Variants in RYR2 observed in about 807,000 individuals in gnomAD.
RYR2 encodes the protein ryanodine receptor 2.
In RYR2, 227 loss-of-function variants were observed where a neutral mutation model predicts 601.1. That is an observed-to-expected ratio of 0.38 (90% CI 0.34 to 0.42). The LOEUF (loss-of-function observed/expected upper bound fraction) is 0.42, where lower values mean the gene tolerates loss of function less well. Ranked by LOEUF, RYR2 falls within the 10% of genes least tolerant of loss-of-function variation. RYR2 has a pLI of 1.00. For synonymous variants in RYR2, 2,223 were observed against 2,175.1 expected, an observed-to-expected ratio of 1.02 and a Z score of -0.61; for missense variants, 4,646 against 6,156.5, an observed-to-expected ratio of 0.75 and a Z score of 8.21.
At chr1:237,744,650 C>A (rs989702527) in intron 80 of RYR2, among the ~76,000 whole-genome samples, 4 of 150,438 alleles carry the variant, frequency 2.7e-5, no homozygotes, top group African/African-American at 5.0e-5. Flanking sequence ...GAGTGAAACT[C>A]CGTCTCAACA....
At chr1:237,546,652 AT>A (rs1172301567) in intron 25 of RYR2, among the ~76,000 whole-genome samples, 3 of 152,076 alleles carry the variant, frequency 2.0e-5, no homozygotes, top group Non-Finnish European at 4.4e-5. Context: ...AAGTGCTGGG[AT>A]TATAGAAGTG....
chr1:237,651,429 G>A lies in RYR2; in HGVS notation c.7752G>A (p.Met2584Ile). 1 of 1,595,928 alleles carries A rather than the reference G, an allele frequency of 6.3e-7. No individual in the cohort carries two copies. Among genetic ancestry groups the A allele is most frequent in the South Asian group, 1.1e-5 (1 of 87,434 alleles). The change falls in exon 51 of 105, where the codon ATG becomes ATA. Residue 2584 changes from methionine (M) to isoleucine (I), a missense_variant. Physicochemically the swap from Met to Ile is conservative, Grantham distance 10. Around this residue, in one of 17 missense-constraint regions of RYR2, gnomAD observed 1,497 missense variants for 1,842.6 expected, o/e 0.81. Transcript: ENST00000366574. ...LSICGQLRPSMMQHLLRRLVF... is the reference protein window; with the variant it reads ...LSICGQLRPSIMQHLLRRLVF... ...CCAACAGACAACTGAGACCTTCTAT[G>A]ATGCAGCACTTACTCAGAAGATTAG...
At position 237,437,050 on chromosome 1, in the gene RYR2, A is replaced by C. The variant is rs571510300; in HGVS notation, c.1006-4269A>C. Among the ~76,000 whole-genome samples, 3 of 149,136 alleles carry C rather than the reference A, an allele frequency of 2.0e-5. No individual in the cohort carries two copies. In the East Asian group the frequency reaches 6.0e-4, roughly 30 times the overall value. ...TTTTATTTATTTATTTTTTATTTTT[A>C]TTTTATTTTTTTGAGATGGACTCTG... On this transcript the variant is annotated intron_variant, in intron 12 of 104. Transcript: ENST00000366574.
intron 1 of RYR2, among the ~76,000 whole-genome samples, chr1:237,057,829 A>G (rs1016075650): frequency 1.3e-5 from 2 of 152,200 alleles, no homozygotes; most frequent in African/African-American, 4.8e-5. Flanking sequence ...CACACGCCTA[A>G]GCTGATGCAT....
intron 1 of RYR2, among the ~76,000 whole-genome samples, chr1:237,138,013 G>A (rs909169779): frequency 2.0e-5 from 3 of 147,028 alleles, no homozygotes; most frequent in African/African-American, 8.1e-5. Flanking sequence ...TTTTGCACTG[G>A]ATATATTTTA....
chr1:237,509,931 A>C (rs1428518181), intron 23 of RYR2, among the ~76,000 whole-genome samples: 1 of 152,226 alleles, frequency 6.6e-6, no homozygotes. Flanking sequence ...TCAGTAGTGC[A>C]GTGTTGCAAG....
At position 237,603,101 on chromosome 1, in the gene RYR2, G is replaced by A. The variant is rs529479778; in HGVS notation, c.4683+990G>A. Among the ~76,000 whole-genome samples, 5 of 152,260 alleles carry A rather than the reference G, an allele frequency of 3.3e-5. No homozygotes were observed. In the South Asian group the frequency reaches 6.2e-4, roughly 19 times the overall value. ...GAAATTCAATGAAGGACGGGTAAAC[G>A]GCGGGAGTAACTATGACTCTCTTAA... On this transcript the variant is annotated intron_variant, in intron 35 of 104. Coordinates refer to ENST00000366574, the MANE Select transcript of RYR2 (RefSeq NM_001035.3).
intron 104 of RYR2, among the ~76,000 whole-genome samples, 161 bp downstream of exon 104, chr1:237,831,726 A>C (rs1663814722): frequency 6.6e-6 from 1 of 152,206 alleles, no homozygotes; most frequent in South Asian, 2.1e-4. Flanking sequence ...GAGTATGGAA[A>C]AGATTGCCTT....
intron 43 of RYR2, among the ~76,000 whole-genome samples, chr1:237,634,472 G>C (rs1011525516): frequency 1.3e-5 from 2 of 152,068 alleles, no homozygotes; most frequent in African/African-American, 2.4e-5. Context: ...GGAGTGGTTG[G>C]GGAGATGTTC....
At position 237,700,401 on chromosome 1, in the gene RYR2, C is replaced by T; in HGVS notation, c.9301C>T (p.Leu3101=). ...GATTATCAATTACACCACAGTGGCC[C>T]TGCTGCCAATGCTGTCTTCATTATT... ...TQIINYTTVA[L]LPMLSSLFEH... The change falls in exon 65 of 105, where the codon CTG becomes TTG. Residue 3101 remains leucine, a synonymous_variant. Coordinates refer to ENST00000366574, the MANE Select transcript of RYR2 (RefSeq NM_001035.3). 1.9e-6 allele frequency: 3 copies of T among 1,610,238 alleles called. No homozygotes were observed. Among genetic ancestry groups the T allele is most frequent in the Non-Finnish European group, 2.5e-6 (3 of 1,178,056 alleles).
intron 23 of RYR2, among the ~76,000 whole-genome samples, chr1:237,511,021 C>T (rs1665836435): frequency 6.6e-6 from 1 of 152,106 alleles, no homozygotes; most frequent in Admixed American, 6.5e-5. Flanking sequence ...GTCAGTCAGT[C>T]CTGTCGTTAA....
intron 87 of RYR2, among the ~76,000 whole-genome samples, chr1:237,777,057 G>A (rs1290899087): frequency 6.6e-6 from 1 of 152,052 alleles, no homozygotes; most frequent in Non-Finnish European, 1.5e-5. Context: ...CAGACCTTAT[G>A]CTACCCAACT....
intron 32 of RYR2, among the ~76,000 whole-genome samples, chr1:237,592,056 G>GA (rs1412352357): frequency 7.2e-5 from 11 of 152,070 alleles, no homozygotes; most frequent in South Asian, 2.1e-4. Flanking sequence ...AGTTATTTTA[G>GA]AAAAAATATT....
At chr1:237,064,848 T>C (rs1449638085) in intron 1 of RYR2, among the ~76,000 whole-genome samples, 2 of 151,326 alleles carry the variant, frequency 1.3e-5, no homozygotes, top group Non-Finnish European at 2.9e-5. Flanking sequence ...TCACATCCTA[T>C]GATTTGGTTG....
intron 96 of RYR2, among the ~76,000 whole-genome samples, chr1:237,797,462 G>A (rs1056754344): frequency 2.0e-5 from 3 of 152,192 alleles, no homozygotes; most frequent in African/African-American, 7.2e-5. Flanking sequence ...GGTTGAAATT[G>A]AGACCATGGA....
chr1:237,813,367 A>T (rs954165461), intron 100 of RYR2, among the ~76,000 whole-genome samples: 2 of 152,120 alleles, frequency 1.3e-5, no homozygotes, highest in Admixed American at 1.3e-4. Context: ...ATTGCTAAAA[A>T]TTAATAGAAA....
chr1:237,597,649 G>A (rs1855129), intron 34 of RYR2, among the ~76,000 whole-genome samples: 76,768 of 151,570 alleles, frequency 0.51, 19,795 homozygotes, highest in East Asian at 0.67. Context: ...AATATTGTTT[G>A]TCTTAGTTTC....
intron 2 of RYR2, among the ~76,000 whole-genome samples, chr1:237,292,139 AT>A (rs1424472312): frequency 6.6e-6 from 1 of 152,222 alleles, no homozygotes; most frequent in Non-Finnish European, 1.5e-5. Flanking sequence ...AGATCCCTAA[AT>A]GTTCGGCAGT....
chr1:237,553,177 T>C (rs193081226), intron 27 of RYR2, among the ~76,000 whole-genome samples: 152 of 152,196 alleles, frequency 1.0e-3, no homozygotes, highest in Non-Finnish European at 1.8e-3. Context: ...TCTCTTATGT[T>C]TCCTTCCAGA....
Sources: allele counts gnomAD v4.1 joint callset (sites outside exome capture counted in the v4.1 genomes callset), GRCh38; gene constraint gnomAD v4.1.1; regional missense constraint gnomAD v4.1.1; transcripts MANE v1.5; gene names NCBI Gene and HGNC (gene_info 2026-07-23, HGNC 2026-07-21).